The following C1orf87 variants were observed in gnomAD, a reference collection of about 807,000 sequenced individuals.
The protein encoded by C1orf87 is uncharacterized protein C1orf87.
In C1orf87, 58 loss-of-function variants were observed where a neutral mutation model predicts 60.5. The ratio of observed to expected loss-of-function variants is 0.96; its 90% CI spans 0.78 to 1.19. The LOEUF (loss-of-function observed/expected upper bound fraction) is 1.19, where lower values mean the gene tolerates loss of function less well. C1orf87 is among the 50% of genes most tolerant of loss of function. The probability of loss-of-function intolerance (pLI) is 0.00; values close to 1 mark genes in which losing one functional copy is unlikely to be tolerated. For missense variants in C1orf87, 673 were observed against 638.6 expected (o/e 1.05, Z -0.58); for synonymous variants, 236 against 227.4 (o/e 1.04, Z -0.34).
intron 2 of C1orf87, among the ~76,000 whole-genome samples, chr1:60,066,617 A>C (rs1645547926): frequency 6.6e-6 from 1 of 151,922 alleles, no homozygotes; most frequent in African/African-American, 2.4e-5. Flanking sequence ...GAGGGTTGGA[A>C]TCAACTTATT....
chr1:60,021,188 C>T (rs1170640835), intron 8 of C1orf87, among the ~76,000 whole-genome samples: 1 of 152,160 alleles, frequency 6.6e-6, no homozygotes, highest in Non-Finnish European at 1.5e-5. Context: ...AACTTCTTTT[C>T]TTTGGAAATT....
At chr1:60,001,043 C>A in intron 10 of C1orf87, 34 bp downstream of exon 10, 1 of 1,562,174 alleles carries the variant, frequency 6.4e-7, no homozygotes, top group Non-Finnish European at 8.8e-7. Flanking sequence ...CCATGAAAAC[C>A]TTCCCCCAAA....
rs117227269 is a variant in C1orf87, at chr1:60,034,036, C to T, written c.864-395G>A. ...TAATTACTGATGACAAATGACATTT[C>T]GAAACTGCTCACTGCCACAAGCAAA... On this transcript the variant is annotated intron_variant, in intron 6 of 11. Coordinates refer to ENST00000371201, the MANE Select transcript of C1orf87 (RefSeq NM_152377.3). 2.6e-3 allele frequency among the ~76,000 whole-genome samples: 397 copies of T among 152,184 alleles called. 2 individuals are homozygous for T. Among genetic ancestry groups the T allele is most frequent in the African/African-American group, 8.1e-3 (335 of 41,502 alleles).
chr1:60,009,734 G>A (rs779722383), intron 9 of C1orf87, among the ~76,000 whole-genome samples: 2 of 151,902 alleles, frequency 1.3e-5, no homozygotes, highest in African/African-American at 2.4e-5. Context: ...AACTACAACA[G>A]CAGATTAATA....
chr1:60,061,152 T>G (rs1574328011), intron 2 of C1orf87, among the ~76,000 whole-genome samples: 1 of 152,316 alleles, frequency 6.6e-6, no homozygotes, highest in East Asian at 1.9e-4. Flanking sequence ...TGCTATGTTA[T>G]TTTGTTTAAT....
intron 5 of C1orf87, among the ~76,000 whole-genome samples, chr1:60,039,654 A>C (rs1055016854): frequency 6.6e-6 from 1 of 152,170 alleles, no homozygotes; most frequent in South Asian, 2.1e-4. Context: ...ATCTGTAACT[A>C]CCCTAACATT....
At chr1:60,069,538 A>G (rs1239482540) in intron 2 of C1orf87, among the ~76,000 whole-genome samples, 1 of 152,196 alleles carries the variant, frequency 6.6e-6, no homozygotes, top group Admixed American at 6.5e-5. Context: ...CCTACACATT[A>G]GTCTCTTTTG....
rs777651430 is a variant in C1orf87, at chr1:60,040,035, G to A, written c.629C>T (p.Ser210Leu). 3 of 1,614,088 alleles carry A rather than the reference G, an allele frequency of 1.9e-6. No homozygotes were observed. Among genetic ancestry groups the A allele is most frequent in the South Asian group, 2.2e-5 (2 of 91,084 alleles). ...CAGCTGAGATTGGAGAAGAAATCCT[G>A]AAGAGATTGGGTCCAGGATCTTCAG... ...KELKILDPIS[S>L]GFLLQSQLSR... The change falls in exon 5 of 12, where the codon TCA becomes TTA. Residue 210 changes from serine (S) to leucine (L), a missense_variant. Transcript: ENST00000371201.
chr1:59,993,944 A>T (rs1358945601), intron 11 of C1orf87, among the ~76,000 whole-genome samples: 3 of 151,914 alleles, frequency 2.0e-5, no homozygotes, highest in Non-Finnish European at 4.4e-5. Context: ...TTTTTAGTAG[A>T]AACGGGGTTT....
chr1:60,047,650 A>G (rs187944016), intron 3 of C1orf87, among the ~76,000 whole-genome samples: 3 of 152,170 alleles, frequency 2.0e-5, no homozygotes, highest in African/African-American at 7.2e-5. Flanking sequence ...TTTCATTTCA[A>G]ATGTAGGACC....
rs754180469 is a variant in C1orf87 at position 60,072,530 on chromosome 1, G to A, written c.107+7C>T. The A allele has an allele frequency of 5.7e-6, 9 of 1,577,496 alleles. No individual in the cohort carries two copies. In the South Asian group the frequency reaches 9.1e-5, roughly 16 times the overall value. On this transcript the variant is annotated splice_region_variant and intron_variant, in intron 2 of 11. Transcript: ENST00000371201. ...GCAACATAGATATTTTTCAAATATG[G>A]ACTTACATCTTTGGCTTCTCCACGA...
chr1:59,997,708 T>C lies in C1orf87; in HGVS notation c.1381A>G (p.Asn461Asp). 1 of 1,614,004 alleles carries C rather than the reference T, an allele frequency of 6.2e-7. No homozygotes were observed. Among genetic ancestry groups the C allele is most frequent in the South Asian group, 1.1e-5 (1 of 91,072 alleles). The part of the protein sequence containing the change: ...KIRPVSQPFV[N>D]PAVKNKAEEC... Reference sequence around the variant, plus strand: ...TCAGCCTTGTTCTTCACAGCTGGATTCACGAAGGGCTGGGAGACTGGCCTG... The same window carrying C: ...TCAGCCTTGTTCTTCACAGCTGGATCCACGAAGGGCTGGGAGACTGGCCTG... The change falls in exon 11 of 12, where the codon AAT (asparagine) becomes GAT (aspartate). Residue 461 changes from asparagine (N) to aspartate (D), a missense_variant. Asn to Asp is a conservative substitution (Grantham distance 23, BLOSUM62 1). Coordinates refer to ENST00000371201, the MANE Select transcript of C1orf87 (RefSeq NM_152377.3).
chr1:60,072,704 A>AT, intron 1 of C1orf87, 34 bp from the exon 2 acceptor site: 1 of 1,185,702 alleles, frequency 8.4e-7, no homozygotes. Context: ...GTTCCTCTTG[A>AT]TTTTCCATTA....
intron 6 of C1orf87, among the ~76,000 whole-genome samples, chr1:60,034,303 G>A (rs1645259803): frequency 6.6e-6 from 1 of 152,192 alleles, no homozygotes; most frequent in African/African-American, 2.4e-5. Flanking sequence ...AGGGTGAGAT[G>A]TTATATTCAC....
At chr1:60,004,414 C>T (rs957892746) in intron 9 of C1orf87, among the ~76,000 whole-genome samples, 6 of 151,994 alleles carry the variant, frequency 3.9e-5, no homozygotes, top group African/African-American at 1.4e-4. Flanking sequence ...AGAAGAGAAA[C>T]TAACATTAAT....
intron 7 of C1orf87, among the ~76,000 whole-genome samples, chr1:60,028,511 A>G (rs1180472405): frequency 1.3e-5 from 2 of 152,212 alleles, no homozygotes; most frequent in Admixed American, 6.5e-5. Context: ...AAATGTTTCT[A>G]TGTAGTTTAT....
Position 60,025,508 on chromosome 1 carries a change from A to C in C1orf87, c.1030-10T>G. 1 of 1,413,698 alleles carries C rather than the reference A, an allele frequency of 7.1e-7. No homozygotes were observed. 87.6% of individuals were successfully genotyped at this position (1,413,698 alleles called of 1,614,324 possible). A position where few individuals can be genotyped will look rare whatever the true frequency, so the allele number is the denominator to read the frequency against. The stretch of plus-strand genomic sequence containing the variant: ...CACATATAGCCCTGACCTACAAGTT[A>C]AAAAAAAATAAAAAAGATTTGATGT... On this transcript the variant is annotated splice_polypyrimidine_tract_variant and intron_variant, in intron 7 of 11. Coordinates refer to ENST00000371201, the MANE Select transcript of C1orf87 (RefSeq NM_152377.3).
At chr1:60,032,194 A>C (rs910700931) in intron 7 of C1orf87, among the ~76,000 whole-genome samples, 4 of 152,174 alleles carry the variant, frequency 2.6e-5, no homozygotes, top group Admixed American at 2.0e-4. Flanking sequence ...CCTAGATGAA[A>C]GGCATTTTCC....
chr1:60,001,222 T>G, intron 9 of C1orf87, 66 bp from the exon 10 acceptor site: 1 of 1,129,158 alleles, frequency 8.9e-7, no homozygotes. Context: ...CACACACATA[T>G]ACACAAGGCA....
Sources: gnomAD v4.1 joint callset for allele counts (sites outside exome capture counted in the v4.1 genomes callset) on GRCh38, gnomAD v4.1.1 for gene constraint, MANE v1.5 for transcripts, NCBI Gene and HGNC (gene_info 2026-07-23, HGNC 2026-07-21) for gene names.